The following ZNF251 variants were observed in gnomAD, a reference collection of about 807,000 sequenced individuals.
ZNF251 encodes the protein zinc finger protein 251.
In ZNF251, 14 loss-of-function variants were observed where a neutral mutation model predicts 13.5. That is an observed-to-expected ratio of 1.04 (90% CI 0.69 to 1.63). The LOEUF is 1.63. ZNF251 is among the 40% of genes most tolerant of loss of function. The probability of loss-of-function intolerance (pLI) is 0.00; values close to 1 mark genes in which losing one functional copy is unlikely to be tolerated. For missense variants in ZNF251, 764 were observed against 834.9 expected, an observed-to-expected ratio of 0.92 and a Z score of 1.05; for synonymous variants, 287 against 295.2, an observed-to-expected ratio of 0.97 and a Z score of 0.28.
intron 4 of ZNF251, among the ~76,000 whole-genome samples, chr8:144,747,763 C>G (rs1824497180): frequency 6.6e-6 from 1 of 152,190 alleles, no homozygotes; most frequent in African/African-American, 2.4e-5. Context: ...CAGGCATGAG[C>G]CACCACGCCC....
intron 4 of ZNF251, among the ~76,000 whole-genome samples, chr8:144,737,030 C>T (rs932393326): frequency 1.3e-5 from 2 of 151,858 alleles, no homozygotes; most frequent in African/African-American, 4.8e-5. Context: ...TCTTGAATTC[C>T]TGACCTCCGA....
At chr8:144,742,955 A>C (rs924396791) in intron 4 of ZNF251, among the ~76,000 whole-genome samples, 1 of 152,208 alleles carries the variant, frequency 6.6e-6, no homozygotes, top group Admixed American at 6.5e-5. Flanking sequence ...GTTCAAACCC[A>C]TGTTGTTCAA....
chr8:144,754,607 T>C (rs1824867163), intron 2 of ZNF251, 89 bp downstream of exon 2: 1 of 1,502,494 alleles, frequency 6.7e-7, no homozygotes, highest in South Asian at 1.4e-5. Flanking sequence ...GCCTTACCAG[T>C]TGCCGGGCTC....
At chr8:144,726,250 C>G (rs1467687511) in intron 4 of ZNF251, among the ~76,000 whole-genome samples, 3 of 135,202 alleles carry the variant, frequency 2.2e-5, no homozygotes, top group Non-Finnish European at 3.1e-5. Flanking sequence ...ATTAGAAAAT[C>G]AGGCTGGGCA....
intron 4 of ZNF251, among the ~76,000 whole-genome samples, chr8:144,731,936 C>G (rs1271178052): frequency 3.5e-5 from 5 of 144,444 alleles, no homozygotes; most frequent in Middle Eastern, 3.4e-3. Flanking sequence ...AAGGACATGT[C>G]CTGACAGCTG....
At chr8:144,740,665 G>A (rs965381829) in intron 4 of ZNF251, among the ~76,000 whole-genome samples, 1 of 151,728 alleles carries the variant, frequency 6.6e-6, no homozygotes, top group Admixed American at 6.6e-5. Context: ...CCACCATGGT[G>A]GCTCACGCCT....
At chr8:144,732,920 T>G (rs1823764049) in intron 4 of ZNF251, among the ~76,000 whole-genome samples, 1 of 151,184 alleles carries the variant, frequency 6.6e-6, no homozygotes, top group African/African-American at 2.4e-5. Context: ...TTTGCTTGTA[T>G]GTAATAAATT....
chr8:144,724,040 G>A (rs1026198006), intron 4 of ZNF251, among the ~76,000 whole-genome samples: 2 of 151,996 alleles, frequency 1.3e-5, no homozygotes, highest in African/African-American at 2.4e-5. Context: ...TCAGGAGATC[G>A]AGACCATCCT....
At chr8:144,727,710 G>A (rs1174051687) in intron 4 of ZNF251, among the ~76,000 whole-genome samples, 2 of 152,210 alleles carry the variant, frequency 1.3e-5, no homozygotes, top group African/African-American at 4.8e-5. Flanking sequence ...GTTTGAGGGG[G>A]ACTGAAACTG....
At chr8:144,749,886 T>C (rs1431208566) in intron 4 of ZNF251, among the ~76,000 whole-genome samples, 4 of 50,678 alleles carry the variant, frequency 7.9e-5, no homozygotes, top group Admixed American at 7.3e-4. Flanking sequence ...TTTTTTTTCT[T>C]TTTTTTTTTT....
intron 3 of ZNF251, 39 bp downstream of exon 3, chr8:144,754,153 G>C (rs1282264995): frequency 3.8e-6 from 6 of 1,593,282 alleles, no homozygotes; most frequent in Admixed American, 1.8e-5. Context: ...CTCCTCAGAG[G>C]CCCCCACTGC....
At chr8:144,727,602 C>G (rs1823555282) in intron 4 of ZNF251, among the ~76,000 whole-genome samples, 1 of 152,188 alleles carries the variant, frequency 6.6e-6, no homozygotes, top group Non-Finnish European at 1.5e-5. Flanking sequence ...TTCCTTACCC[C>G]TCTCAGCTTT....
chr8:144,741,487 G>C (rs1824166543), intron 4 of ZNF251, among the ~76,000 whole-genome samples: 1 of 152,110 alleles, frequency 6.6e-6, no homozygotes, highest in Non-Finnish European at 1.5e-5. Context: ...AAAGAACCAA[G>C]AAAATAGAGC....
At chr8:144,728,692 T>G (rs1490015484) in intron 4 of ZNF251, among the ~76,000 whole-genome samples, 2 of 148,012 alleles carry the variant, frequency 1.4e-5, no homozygotes, top group African/African-American at 2.5e-5. Flanking sequence ...TTTGAAATAC[T>G]GCAAGAATTA....
chr8:144,739,234 A>AC (rs1302730657), intron 4 of ZNF251, among the ~76,000 whole-genome samples: 2 of 86,116 alleles, frequency 2.3e-5, no homozygotes, highest in East Asian at 3.8e-4. Context: ...TCACAACCCC[A>AC]CCCCCCCAAA....
chr8:144,730,603 CG>C (rs2129952039), intron 4 of ZNF251, among the ~76,000 whole-genome samples: 1 of 152,108 alleles, frequency 6.6e-6, no homozygotes, highest in South Asian at 2.1e-4. Context: ...CGGGGCGTCC[CG>C]GGGCAGGGCC....
At chr8:144,728,551 T>C (rs1470148701) in intron 4 of ZNF251, among the ~76,000 whole-genome samples, 1 of 149,784 alleles carries the variant, frequency 6.7e-6, no homozygotes, top group Non-Finnish European at 1.5e-5. Flanking sequence ...TAGTCCCAGC[T>C]ACCCGGGAGG....
rs1488417317 is a variant in ZNF251 at position 144,721,878 on chromosome 8, A to G, written c.1782T>C (p.Tyr594=). 1 of 1,503,618 alleles carries G rather than the reference A, an allele frequency of 6.7e-7. No homozygotes were observed. Among genetic ancestry groups the G allele is most frequent in the Non-Finnish European group, 8.9e-7 (1 of 1,125,914 alleles). The allele number at this position is 1,503,618 out of a possible 1,614,324, so 93.1% of individuals were successfully genotyped here. A position where few individuals can be genotyped will look rare whatever the true frequency, so the allele number is the denominator to read the frequency against. The change falls in exon 5 of 5, where the codon TAT becomes TAC. Residue 594 remains tyrosine, a synonymous_variant. Coordinates refer to ENST00000292562, the MANE Select transcript of ZNF251 (RefSeq NM_138367.2). ...DQIMHAGEKP[Y]KCQECGNAFS... ...AGGCGTTTCCACATTCTTGACATTT[A>G]TAGGGCTTTTCCCCAGCATGCATTA...
At chr8:144,736,725 C>T (rs1260368883) in intron 4 of ZNF251, among the ~76,000 whole-genome samples, 2 of 152,062 alleles carry the variant, frequency 1.3e-5, no homozygotes, top group Non-Finnish European at 2.9e-5. Flanking sequence ...CTCCCGACCT[C>T]AGGTGATCCA....
Sources: gnomAD v4.1 joint callset for allele counts (sites outside exome capture counted in the v4.1 genomes callset) on GRCh38, gnomAD v4.1.1 for gene constraint, MANE v1.5 for transcripts, NCBI Gene and HGNC (gene_info 2026-07-23, HGNC 2026-07-21) for gene names.